Variants in FRMPD4 observed in about 807,000 individuals in gnomAD.
FRMPD4 encodes FERM and PDZ domain-containing protein 4.
In FRMPD4, 22 loss-of-function variants were observed where a neutral mutation model predicts 94.1. The observed-to-expected ratio is 0.23, with a 90% CI of 0.17 to 0.33. The LOEUF (loss-of-function observed/expected upper bound fraction) is 0.33. Ranked by LOEUF, FRMPD4 falls within the 10% of genes least tolerant of loss-of-function variation. The pLI, the probability that FRMPD4 is intolerant of heterozygous loss-of-function variation, is 1.00. For missense variants in FRMPD4, 1,111 were observed against 1,339.9 expected, an observed-to-expected ratio of 0.83 and a Z score of 2.67; for synonymous variants, 631 against 548.6, an observed-to-expected ratio of 1.15 and a Z score of -2.10.
rs759004983 is a variant in FRMPD4, at chrX:12,227,466, T to C, written c.41+88454T>C. ...ATAAAAAACGGTGGGCCTCTAATAATTGGAGGAATTGAGATCCAACAGAAT... is the reference window on the plus strand; with the variant it reads ...ATAAAAAACGGTGGGCCTCTAATAACTGGAGGAATTGAGATCCAACAGAAT... On this transcript the variant is annotated intron_variant, in intron 1 of 16. Coordinates refer to ENST00000675598, the MANE Select transcript of FRMPD4 (RefSeq NM_001368397.1). Among the ~76,000 whole-genome samples the C allele has an allele frequency of 1.0e-3, 112 of 111,373 alleles. 1 individual carries two copies. The highest frequency in any genetic ancestry group is 3.6e-3 in the African/African-American group (111 of 30,672).
At chrX:12,523,359 G>T (rs1453020611) in intron 2 of FRMPD4, among the ~76,000 whole-genome samples, 3 of 112,253 alleles carry the variant, frequency 2.7e-5, no homozygotes, top group Non-Finnish European at 5.6e-5. Context: ...GTTGTATGCT[G>T]TCTCCTTGAC....
intron 1 of FRMPD4, among the ~76,000 whole-genome samples, chrX:12,439,348 T>C (rs753842077): frequency 9.0e-6 from 1 of 111,542 alleles, no homozygotes; most frequent in East Asian, 2.8e-4. Context: ...CAAACATCCG[T>C]GAAATGATGG....
chrX:12,139,555 G>T (rs988556704), intron 1 of FRMPD4, among the ~76,000 whole-genome samples: 167 of 108,029 alleles, frequency 1.5e-3, no homozygotes, highest in African/African-American at 4.8e-3. Flanking sequence ...TTTTTTTGGG[G>T]GGGGGGTAAC....
intron 1 of FRMPD4, chrX:12,395,700 T>C (rs1041814719): frequency 8.9e-6 from 1 of 112,589 alleles, no homozygotes; most frequent in Non-Finnish European, 1.9e-5. Context: ...GACTGTGCTT[T>C]GGAAGAATAC....
intron 1 of FRMPD4, among the ~76,000 whole-genome samples, chrX:11,860,411 G>A (rs371708340): frequency 8.9e-6 from 1 of 112,064 alleles, no homozygotes; most frequent in Admixed American, 9.5e-5. Context: ...GACTCAGGTG[G>A]TGTTTGCAAT....
chrX:12,670,021 C>A (rs1396950908), intron 4 of FRMPD4, among the ~76,000 whole-genome samples: 1 of 112,265 alleles, frequency 8.9e-6, no homozygotes, highest in African/African-American at 3.2e-5. Context: ...TTCTCCAGGG[C>A]CTTGCCTGCT....
intron 2 of FRMPD4, among the ~76,000 whole-genome samples, chrX:12,548,975 TCA>T (rs1189241169): frequency 4.2e-4 from 47 of 111,103 alleles, no homozygotes; most frequent in African/African-American, 1.5e-3. Context: ...ACCAGGAGAG[TCA>T]CAGTTTCTGA....
At chrX:11,893,509 T>C (rs1373771237) in intron 3 of FRMPD4, among the ~76,000 whole-genome samples, 2 of 112,214 alleles carry the variant, frequency 1.8e-5, no homozygotes, top group African/African-American at 6.5e-5. Context: ...TAGTTAGGAA[T>C]GAAAATGTAT....
intron 3 of FRMPD4, among the ~76,000 whole-genome samples, chrX:11,885,497 A>T (rs1469709733): frequency 9.0e-6 from 1 of 111,241 alleles, no homozygotes; most frequent in African/African-American, 3.3e-5. Flanking sequence ...ATTTAAGACT[A>T]CTAAGCTGTA....
chrX:11,993,568 TACAAAA>T (rs1032271127), intron 3 of FRMPD4, among the ~76,000 whole-genome samples: 1 of 111,797 alleles, frequency 8.9e-6, no homozygotes, highest in African/African-American at 3.2e-5. Flanking sequence ...AAATAGAGAG[TACAAAA>T]ACAAAAACAA....
chrX:12,257,160 T>C (rs187093456), intron 1 of FRMPD4, among the ~76,000 whole-genome samples: 2 of 112,328 alleles, frequency 1.8e-5, no homozygotes, highest in Admixed American at 1.9e-4. Context: ...GTGCTATAAA[T>C]GTTTCATGCC....
Position 11,845,375 on chromosome X carries a change from T to C in FRMPD4, c.-160-19711T>C, listed in dbSNP as rs768540481. 2.7e-5 allele frequency among the ~76,000 whole-genome samples: 3 copies of C among 111,925 alleles called. No individual in the cohort carries two copies. The East Asian group carries it at 8.4e-4, about 32-fold the overall frequency. ...AGACCAATAACAGGATCTGAACTTATGGCAATAATTAATAGCTTACCAACC... is the reference window on the plus strand; with the variant it reads ...AGACCAATAACAGGATCTGAACTTACGGCAATAATTAATAGCTTACCAACC... On this transcript the variant is annotated intron_variant, in intron 1 of 18. Transcript: ENST00000640291.
intron 1 of FRMPD4, among the ~76,000 whole-genome samples, chrX:12,444,841 C>T (rs2057177399): frequency 8.9e-6 from 1 of 112,051 alleles, no homozygotes; most frequent in African/African-American, 3.2e-5. Context: ...ACCAAATCAC[C>T]TCTCATTAGG....
intron 3 of FRMPD4, among the ~76,000 whole-genome samples, chrX:11,928,261 T>G (rs2054100764): frequency 1.8e-5 from 2 of 111,963 alleles, no homozygotes; most frequent in Non-Finnish European, 3.8e-5. Flanking sequence ...ACTGGGTAAT[T>G]TAGAAAGGAA....
chrX:12,566,934 T>C (rs1375126445), intron 2 of FRMPD4, among the ~76,000 whole-genome samples: 2 of 42,883 alleles, frequency 4.7e-5, no homozygotes, highest in Non-Finnish European at 8.4e-5. Flanking sequence ...ATTTGTACTA[T>C]AAGGATACTC....
intron 1 of FRMPD4, among the ~76,000 whole-genome samples, chrX:12,197,212 G>T (rs2056577399): frequency 9.0e-6 from 1 of 111,123 alleles, no homozygotes; most frequent in Non-Finnish European, 1.9e-5. Flanking sequence ...GAGCATGTGT[G>T]GACTTTGGAA....
chrX:12,319,593 C>T (rs1008789977), intron 1 of FRMPD4, among the ~76,000 whole-genome samples: 1 of 111,987 alleles, frequency 8.9e-6, no homozygotes, highest in Admixed American at 9.4e-5. Flanking sequence ...CTGCAAGTTC[C>T]AGTGACATAA....
chrX:11,897,542 T>C (rs2053911009), intron 3 of FRMPD4, among the ~76,000 whole-genome samples: 1 of 112,288 alleles, frequency 8.9e-6, no homozygotes, highest in Non-Finnish European at 1.9e-5. Context: ...CTGCTGTATT[T>C]ATGTGAATAT....
rs1241236352 is a variant in FRMPD4, at chrX:12,542,553, G to A, written c.158+43757G>A. Among the ~76,000 whole-genome samples the A allele has an allele frequency of 2.7e-5, 3 of 111,901 alleles. No homozygotes were observed. The East Asian group carries it at 8.4e-4, about 31-fold the overall frequency. On this transcript the variant is annotated intron_variant, in intron 2 of 16. Coordinates refer to ENST00000675598, the MANE Select transcript of FRMPD4 (RefSeq NM_001368397.1). ...CAAGGGATGTGAAGAACCTCTTCAAGGAGAACTACAAACCACTGCTCAATG... is the reference window on the plus strand; with the variant it reads ...CAAGGGATGTGAAGAACCTCTTCAAAGAGAACTACAAACCACTGCTCAATG...
Sources: allele counts gnomAD v4.1 joint callset (sites outside exome capture counted in the v4.1 genomes callset), GRCh38; gene constraint gnomAD v4.1.1; transcripts MANE v1.5; gene names NCBI Gene and HGNC (gene_info 2026-07-23, HGNC 2026-07-21).